Variants in RNGTT observed in about 807,000 individuals in gnomAD.
The protein encoded by RNGTT is RNA guanylyltransferase and 5'-phosphatase.
A neutral mutation model predicts 79.3 loss-of-function variants in RNGTT; 33 were observed. The observed-to-expected ratio is 0.42, with a 90% CI of 0.32 to 0.56. The LOEUF (loss-of-function observed/expected upper bound fraction) is 0.56, where lower values mean the gene tolerates loss of function less well. Ranked by LOEUF, RNGTT falls within the 20% of genes least tolerant of loss-of-function variation. RNGTT has a pLI of 0.17. For missense variants in RNGTT, 497 were observed against 739.1 expected, an observed-to-expected ratio of 0.67 and a Z score of 3.80; for synonymous variants, 222 against 235.9, an observed-to-expected ratio of 0.94 and a Z score of 0.54.
chr6:88,653,968 A>T (rs1050769746), intron 14 of RNGTT, among the ~76,000 whole-genome samples: 1 of 152,220 alleles, frequency 6.6e-6, no homozygotes, highest in Non-Finnish European at 1.5e-5. Flanking sequence ...TTTTGTCAAT[A>T]ATGCTACCAA....
intron 6 of RNGTT, 121 bp from the exon 7 acceptor site, chr6:88,892,036 T>C (rs1783067693): frequency 3.1e-6 from 2 of 653,062 alleles, no homozygotes; most frequent in Non-Finnish European, 4.9e-6. Flanking sequence ...AGCAAGTCAA[T>C]ATATCTAACA....
intron 8 of RNGTT, among the ~76,000 whole-genome samples, chr6:88,879,616 T>C (rs1315903512): frequency 1.3e-5 from 2 of 152,328 alleles, no homozygotes; most frequent in African/African-American, 4.8e-5. Flanking sequence ...CTTTCAAATG[T>C]ATACATTTAG....
chr6:88,628,147 T>G (rs1446259729), intron 14 of RNGTT, among the ~76,000 whole-genome samples: 5 of 152,136 alleles, frequency 3.3e-5, no homozygotes, highest in African/African-American at 1.2e-4. Flanking sequence ...TGAAAAACAT[T>G]CATGATGGAT....
intron 13 of RNGTT, 136 bp from the exon 14 acceptor site, chr6:88,678,555 T>C: frequency 2.6e-6 from 1 of 389,218 alleles, no homozygotes; most frequent in Non-Finnish European, 4.1e-6. Flanking sequence ...AGAAAAGTAA[T>C]AACTGTGTAA....
chr6:88,890,402 C>T (rs1425023277), intron 8 of RNGTT, 93 bp downstream of exon 8: 7 of 771,286 alleles, frequency 9.1e-6, no homozygotes, highest in African/African-American at 8.9e-5. Flanking sequence ...ATTAGAAATT[C>T]ACACTCTCAA....
chr6:88,835,991 C>CAT (rs1456479604), intron 11 of RNGTT, among the ~76,000 whole-genome samples: 1 of 117,308 alleles, frequency 8.5e-6, no homozygotes, highest in Admixed American at 9.2e-5. Context: ...CACACACACA[C>CAT]ACACACACAC....
chr6:88,793,703 A>G (rs1386535462), intron 12 of RNGTT, among the ~76,000 whole-genome samples: 2 of 152,132 alleles, frequency 1.3e-5, no homozygotes, highest in African/African-American at 4.8e-5. Context: ...CATTTCTACT[A>G]AAGAATCACT....
intron 13 of RNGTT, among the ~76,000 whole-genome samples, chr6:88,727,137 A>G (rs1462841403): frequency 6.7e-6 from 1 of 150,024 alleles, no homozygotes; most frequent in Non-Finnish European, 1.5e-5. Flanking sequence ...AAAGTCGTGA[A>G]AAAAAAGTTA....
At chr6:88,716,708 A>G (rs1357954562) in intron 13 of RNGTT, among the ~76,000 whole-genome samples, 5 of 151,996 alleles carry the variant, frequency 3.3e-5, no homozygotes, top group African/African-American at 9.7e-5. Flanking sequence ...TCAGCAAACT[A>G]TCGCAAGGAC....
intron 11 of RNGTT, 49 bp downstream of exon 11, chr6:88,844,308 G>T: frequency 6.6e-7 from 1 of 1,519,528 alleles, no homozygotes. Context: ...CTTGTAAGCT[G>T]AATTATGAGA....
chr6:88,667,642 C>T (rs1331788018), intron 14 of RNGTT, among the ~76,000 whole-genome samples: 1 of 152,142 alleles, frequency 6.6e-6, no homozygotes, highest in African/African-American at 2.4e-5. Flanking sequence ...CCGTGTGCTT[C>T]TTCGAGATCT....
chr6:88,612,408 A>G lies in RNGTT; in HGVS notation c.*311T>C, dbSNP rs147023006. On this transcript the variant is annotated 3_prime_UTR_variant, in exon 16 of 16. Coordinates refer to ENST00000369485, the MANE Select transcript of RNGTT (RefSeq NM_003800.5). The stretch of plus-strand genomic sequence containing the variant: ...TAAATGTGAAGCTACCCATATATAA[A>G]CAAGGCCTCTTTTTCATTGATTTCC... 194 of 201,810 alleles carry G rather than the reference A, an allele frequency of 9.6e-4. No homozygotes were observed. Among genetic ancestry groups the G allele is most frequent in the African/African-American group, 4.2e-3 (181 of 43,060 alleles). 12.5% of individuals were successfully genotyped at this position (201,810 alleles called of 1,614,324 possible).
intron 13 of RNGTT, chr6:88,714,117 C>T (rs1776416750): frequency 6.6e-6 from 1 of 152,118 alleles, no homozygotes; most frequent in Admixed American, 6.5e-5. Flanking sequence ...TGTCTTACCT[C>T]CCGAAGATAC....
chr6:88,686,969 T>C (rs891546869), intron 13 of RNGTT, among the ~76,000 whole-genome samples: 1 of 150,196 alleles, frequency 6.7e-6, no homozygotes, highest in African/African-American at 2.5e-5. Flanking sequence ...AATCATACTA[T>C]GTAAAAATTT....
chr6:88,644,006 G>A (rs1773428943), intron 14 of RNGTT, among the ~76,000 whole-genome samples: 1 of 152,068 alleles, frequency 6.6e-6, no homozygotes, highest in Non-Finnish European at 1.5e-5. Context: ...TAAGATCAGA[G>A]CAGAACTGAA....
intron 13 of RNGTT, among the ~76,000 whole-genome samples, chr6:88,766,153 A>G (rs1458409064): frequency 6.6e-6 from 1 of 152,156 alleles, no homozygotes; most frequent in African/African-American, 2.4e-5. Flanking sequence ...TATGAGGCCA[A>G]CTTATTTTAT....
intron 12 of RNGTT, among the ~76,000 whole-genome samples, chr6:88,788,568 A>C (rs1779305181): frequency 6.6e-6 from 1 of 152,242 alleles, no homozygotes; most frequent in Non-Finnish European, 1.5e-5. Context: ...GCCCTTTTTA[A>C]AACATAATCT....
chr6:88,902,971 G>C (rs972403778), intron 6 of RNGTT, among the ~76,000 whole-genome samples: 2 of 152,042 alleles, frequency 1.3e-5, no homozygotes, highest in African/African-American at 4.8e-5. Context: ...TGGGATTACA[G>C]GCGTGAGCCA....
intron 11 of RNGTT, among the ~76,000 whole-genome samples, chr6:88,816,358 T>TGTATACA (rs1287925467): frequency 1.3e-5 from 2 of 152,194 alleles, no homozygotes; most frequent in South Asian, 2.1e-4. Flanking sequence ...TGCACATATG[T>TGTATACA]GTATACAGTA....
Sources: allele counts gnomAD v4.1 joint callset (sites outside exome capture counted in the v4.1 genomes callset), GRCh38; gene constraint gnomAD v4.1.1; transcripts MANE v1.5; gene names NCBI Gene and HGNC (gene_info 2026-07-23, HGNC 2026-07-21).